Variants in CAPNS1 observed in about 807,000 individuals in gnomAD.
CAPNS1 encodes the protein CANP small subunit.
In CAPNS1, 32 loss-of-function variants were observed where a neutral mutation model predicts 39.2. The observed-to-expected ratio is 0.82, with a 90% confidence interval of 0.62 to 1.10. The LOEUF (loss-of-function observed/expected upper bound fraction) is 1.10. CAPNS1 is among the 50% of genes least tolerant of loss of function. The pLI is 0.00. For synonymous variants in CAPNS1, 153 were observed against 136.2 expected (o/e 1.12, Z -0.86); for missense variants, 353 against 373.1 (o/e 0.95, Z 0.44).
chr19:36,149,506 G>T (rs940066594), intron 9 of CAPNS1, 72 bp from the exon 10 acceptor site: 3 of 1,355,120 alleles, frequency 2.2e-6, no homozygotes, highest in Non-Finnish European at 2.9e-6. Context: ...CCATGTATTT[G>T]TGTAATGTTA....
intron 1 of CAPNS1, 163 bp from the exon 2 acceptor site, chr19:36,140,834 C>T (rs1974330047): frequency 9.6e-7 from 1 of 1,044,842 alleles, no homozygotes; most frequent in Non-Finnish European, 1.4e-6. Flanking sequence ...ACCTGATCCC[C>T]CATACCTGCC....
In CAPNS1 at chr19:36,142,882, T is replaced by G. The variant is rs763604929; in HGVS notation, c.334-27T>G. 76 of 1,613,754 alleles carry G rather than the reference T, an allele frequency of 4.7e-5. 1 individual carries two copies. The South Asian group carries it at 8.1e-4, about 17-fold the overall frequency. On this transcript the variant is annotated intron_variant, in intron 4 of 10. Transcript: ENST00000246533. ...TTCTCAGACCCCTTTCAGTCACCCC[T>G]GACCTGCCCCTAACTTCCGCCCGCA...
At chr19:36,141,447 C>T in intron 2 of CAPNS1, 1 of 1,304,712 alleles carries the variant, frequency 7.7e-7, no homozygotes, top group Non-Finnish European at 9.7e-7. Flanking sequence ...TGGGAGTAGT[C>T]TGATTGTGTG....
chr19:36,145,782 CTCT>C (rs763944899), intron 6 of CAPNS1, 21 bp from the exon 7 acceptor site: 42 of 1,607,334 alleles, frequency 2.6e-5, no homozygotes, highest in Non-Finnish European at 3.3e-5. Flanking sequence ...GTAGCTGTCA[CTCT>C]TCTTAACACC....
intron 3 of CAPNS1, 147 bp downstream of exon 3, chr19:36,142,480 A>G (rs577362676): frequency 4.9e-5 from 34 of 692,754 alleles, no homozygotes; most frequent in Admixed American, 2.0e-4. Flanking sequence ...CAGCTTCGCC[A>G]TGGGTCTTAG....
chr19:36,141,028 C>A lies in CAPNS1; in HGVS notation c.17C>A (p.Ser6Ter). The change falls in exon 2 of 11, where the codon TCG becomes TAG. Residue 6 changes from serine (S) to a stop codon, truncating the protein, a stop_gained. Transcript: ENST00000246533. LOFTEE classifies it high-confidence loss of function. ...GTCGCAGCCATGTTCCTGGTTAACT[C>A]GTTCTTGAAGGGCGGCGGCGGCGGC... is the stretch of plus-strand genomic sequence containing the variant. MFLVN[S>*]FLKGGGGGGG... 1 of 1,530,808 alleles carries A rather than the reference C, an allele frequency of 6.5e-7. No individual in the cohort carries two copies. Among genetic ancestry groups the A allele is most frequent in the Non-Finnish European group, 8.8e-7 (1 of 1,130,912 alleles). 94.8% of individuals were successfully genotyped at this position (1,530,808 alleles called of 1,614,324 possible). A position where few individuals can be genotyped will look rare whatever the true frequency, so the allele number is the denominator to read the frequency against.
intron 3 of CAPNS1, 40 bp downstream of exon 3, chr19:36,142,373 G>T: frequency 8.3e-7 from 1 of 1,204,198 alleles, no homozygotes; most frequent in Non-Finnish European, 1.2e-6. Flanking sequence ...CTCCTGCCAA[G>T]GCCTCTTCGA....
Position 36,142,941 on chromosome 19 carries a change from C to T in CAPNS1, c.366C>T (p.Asn122=). 1.9e-6 allele frequency: 3 copies of T among 1,614,190 alleles called. No homozygotes were observed. The highest frequency in any genetic ancestry group is 2.5e-6 in the Non-Finnish European group (3 of 1,180,030). ...AGGTCAGCGCCACAGAACTCATGAA[C>T]ATTCTCAATAAGGTTGTGACACGAC... is the stretch of plus-strand genomic sequence containing the variant. The part of the protein sequence containing the change: ...DMEVSATELM[N]ILNKVVTRHP... The change falls in exon 5 of 11, where the codon AAC becomes AAT. Residue 122 remains asparagine, a synonymous_variant. Coordinates refer to ENST00000246533, the MANE Select transcript of CAPNS1 (RefSeq NM_001749.4).
At position 36,141,346 on chromosome 19, in the gene CAPNS1, A is replaced by T. The variant is rs1181062998; in HGVS notation, c.209+126A>T. 1.0e-5 allele frequency: 14 copies of T among 1,375,630 alleles called. No individual in the cohort carries two copies. The Admixed American group carries it at 1.9e-4, about 19-fold the overall frequency. The allele number at this position is 1,375,630 out of a possible 1,614,324, so 85.2% of individuals were successfully genotyped here. A position where few individuals can be genotyped will look rare whatever the true frequency, so the allele number is the denominator to read the frequency against. On this transcript the variant is annotated intron_variant, in intron 2 of 10. Transcript: ENST00000246533. ...CCTGGAGGCTAACCTGGGTACATGAATTAGGCCGGGGAGGCCTGGTTTGAG... is the reference window on the plus strand; with the variant it reads ...CCTGGAGGCTAACCTGGGTACATGATTTAGGCCGGGGAGGCCTGGTTTGAG...
At position 36,143,119 on chromosome 19, in the gene CAPNS1, C is replaced by A; in HGVS notation, c.447C>A (p.Ala149=). ...TTGACACATGTCGCAGCATGGTGGCCGTGATGGATGTATCCTTGGGGGCAG... is the reference window on the plus strand; with the variant it reads ...TTGACACATGTCGCAGCATGGTGGCAGTGATGGATGTATCCTTGGGGGCAG... The part of the protein sequence containing the change: ...FGIDTCRSMV[A]VMDSDTTGKL... Residue 149 remains alanine, a synonymous_variant, in exon 6 of 11, where the codon GCC becomes GCA. Transcript: ENST00000246533. The A allele has an allele frequency of 6.2e-7, 1 of 1,613,874 alleles. No homozygotes were observed. The highest frequency in any genetic ancestry group is 1.1e-5 in the South Asian group (1 of 91,058).
chr19:36,143,542 C>A (rs895262474), intron 6 of CAPNS1, among the ~76,000 whole-genome samples: 1 of 152,034 alleles, frequency 6.6e-6, no homozygotes. Flanking sequence ...GCCTGGCCAA[C>A]ATGGTGAAAC....
chr19:36,146,987 G>A (rs946265056), intron 9 of CAPNS1, among the ~76,000 whole-genome samples: 1 of 152,150 alleles, frequency 6.6e-6, no homozygotes, highest in African/African-American at 2.4e-5. Flanking sequence ...TGGGAGTACA[G>A]GCACACACCG....
intron 9 of CAPNS1, among the ~76,000 whole-genome samples, chr19:36,147,626 T>C (rs1293079785): frequency 6.6e-6 from 1 of 151,076 alleles, no homozygotes; most frequent in Non-Finnish European, 1.5e-5. Context: ...ATTAGCCAGG[T>C]GTGGTGGCGG....
chr19:36,148,592 CCT>C (rs1974661717), intron 9 of CAPNS1, among the ~76,000 whole-genome samples: 1 of 149,964 alleles, frequency 6.7e-6, no homozygotes, highest in Non-Finnish European at 1.5e-5. Flanking sequence ...GGGCGGATCA[CCT>C]GATGTCAGGA....
intron 9 of CAPNS1, among the ~76,000 whole-genome samples, chr19:36,147,419 C>T (rs1974607850): frequency 6.6e-6 from 1 of 152,134 alleles, no homozygotes; most frequent in South Asian, 2.1e-4. Flanking sequence ...CATTGGGGAG[C>T]CATGGCAGGT....
Position 36,150,068 on chromosome 19 carries a change from G to A in CAPNS1, c.*229G>A. ...ACACTCTAACAAGCTCTGTCCACGGGTCTCCCCATTCCCACCAGGCCCTGC... is the reference window on the plus strand; with the variant it reads ...ACACTCTAACAAGCTCTGTCCACGGATCTCCCCATTCCCACCAGGCCCTGC... On this transcript the variant is annotated 3_prime_UTR_variant, in exon 11 of 11. Transcript: ENST00000246533. 2.4e-6 allele frequency: 1 copy of A among 409,842 alleles called. No individual in the cohort carries two copies. The highest frequency in any genetic ancestry group is 4.4e-5 in the Admixed American group (1 of 22,582). 25.4% of individuals were successfully genotyped at this position (409,842 alleles called of 1,614,324 possible).
At position 36,146,019 on chromosome 19, in the gene CAPNS1, G is replaced by T; in HGVS notation, c.569G>T (p.Cys190Phe). 6.2e-7 allele frequency: 1 copy of T among 1,614,196 alleles called. No homozygotes were observed. The highest frequency in any genetic ancestry group is 8.5e-7 in the Non-Finnish European group (1 of 1,180,040). The change falls in exon 8 of 11, where the codon TGC (cysteine) becomes TTC (phenylalanine). Residue 190 changes from cysteine (C) to phenylalanine (F), a missense_variant. Cys to Phe is a radical substitution (Grantham distance 205, BLOSUM62 -2). Transcript: ENST00000246533. Reference protein sequence around the residue: ...QFDTDRSGTICSSELPGAFEA... With the variant: ...QFDTDRSGTIFSSELPGAFEA... ...GACACTGACCGATCAGGGACCATTT[G>T]CAGTAGTGAACTCCCAGGTGCCTTT...
At chr19:36,141,280 T>C in intron 2 of CAPNS1, 60 bp downstream of exon 2, 11 of 1,466,770 alleles carry the variant, frequency 7.5e-6, no homozygotes, top group Non-Finnish European at 9.9e-6. Flanking sequence ...CAGTGAGGCG[T>C]GGTCTGGGAG....
At position 36,146,014 on chromosome 19, in the gene CAPNS1, C is replaced by A; in HGVS notation, c.564C>A (p.Thr188=). 1 of 1,614,168 alleles carries A rather than the reference C, an allele frequency of 6.2e-7. No homozygotes were observed. Among genetic ancestry groups the A allele is most frequent in the Non-Finnish European group, 8.5e-7 (1 of 1,180,034 alleles). ...YKQFDTDRSG[T]ICSSELPGAF... ...AGTTCGACACTGACCGATCAGGGAC[C>A]ATTTGCAGTAGTGAACTCCCAGGTG... The change falls in exon 8 of 11, where the codon ACC becomes ACA. Residue 188 remains threonine, a synonymous_variant. Transcript: ENST00000246533.
Sources: allele counts gnomAD v4.1 joint callset (sites outside exome capture counted in the v4.1 genomes callset), GRCh38; gene constraint gnomAD v4.1.1; transcripts MANE v1.5; gene names NCBI Gene and HGNC (gene_info 2026-07-23, HGNC 2026-07-21).